Variants in RAB28 observed in about 807,000 individuals in gnomAD.
RAB28 encodes ras-related protein Rab-28.
A neutral mutation model predicts 31.7 loss-of-function variants in RAB28; 24 were observed. That is an observed-to-expected ratio of 0.76 (90% CI 0.55 to 1.06). The LOEUF is 1.06. Among genes scored for constraint, RAB28 ranks in the 50% least tolerant of loss-of-function variants. The probability of loss-of-function intolerance (pLI) is 0.00; values close to 1 mark genes in which losing one functional copy is unlikely to be tolerated. For synonymous variants in RAB28, 100 were observed against 90.4 expected (o/e 1.11, Z -0.60); for missense variants, 254 against 258.5 (o/e 0.98, Z 0.12).
At position 13,422,977 on chromosome 4, in the gene RAB28, C is replaced by T. The variant is rs188520872; in HGVS notation, c.391+37722G>A. On this transcript the variant is annotated intron_variant, in intron 4 of 6. Transcript: ENST00000330852. ...TATTTCATTTCAATGTAAATTTTACCTCAAAAAAAAAATTAAACTCTAAGT... is the reference window on the plus strand; with the variant it reads ...TATTTCATTTCAATGTAAATTTTACTTCAAAAAAAAAATTAAACTCTAAGT... Among the ~76,000 whole-genome samples the T allele has an allele frequency of 1.1e-3, 168 of 150,896 alleles. 2 individuals carry two copies. Among genetic ancestry groups the T allele is most frequent in the Middle Eastern group, 3.4e-3 (1 of 292 alleles).
chr4:13,394,665 T>C (rs1729792841), intron 4 of RAB28, among the ~76,000 whole-genome samples: 1 of 151,994 alleles, frequency 6.6e-6, no homozygotes, highest in South Asian at 2.1e-4. Flanking sequence ...GGAGTACAAT[T>C]GAGGAAAACA....
At chr4:13,397,480 T>A (rs1240953801) in intron 4 of RAB28, among the ~76,000 whole-genome samples, 1 of 152,082 alleles carries the variant, frequency 6.6e-6, no homozygotes, top group Non-Finnish European at 1.5e-5. Flanking sequence ...CAGAAGAACA[T>A]ATATAAAAGT....
intron 4 of RAB28, among the ~76,000 whole-genome samples, chr4:13,443,792 T>C (rs967771327): frequency 3.3e-5 from 5 of 152,146 alleles, no homozygotes; most frequent in Non-Finnish European, 4.4e-5. Context: ...CCAGAACTTA[T>C]TCATCCTAAG....
chr4:13,415,510 C>G (rs1712715214), intron 4 of RAB28, among the ~76,000 whole-genome samples: 1 of 152,252 alleles, frequency 6.6e-6, no homozygotes, highest in African/African-American at 2.4e-5. Context: ...GCCCTGCCGG[C>G]CCGGGCAATG....
At chr4:13,379,683 T>A (rs1224728721) in intron 5 of RAB28, among the ~76,000 whole-genome samples, 1 of 152,128 alleles carries the variant, frequency 6.6e-6, no homozygotes, top group Non-Finnish European at 1.5e-5. Flanking sequence ...GATACTGAGA[T>A]AATAGAAGAG....
At chr4:13,483,130 T>C (rs982478110) in intron 1 of RAB28, among the ~76,000 whole-genome samples, 1 of 152,140 alleles carries the variant, frequency 6.6e-6, no homozygotes, top group African/African-American at 2.4e-5. Context: ...TCTTCACTAT[T>C]TGCTGGTGGA....
chr4:13,419,820 C>A (rs1488024924), intron 4 of RAB28, among the ~76,000 whole-genome samples: 2 of 151,712 alleles, frequency 1.3e-5, no homozygotes, highest in East Asian at 3.9e-4. Flanking sequence ...AAATCAACAC[C>A]CTAACATCAC....
At chr4:13,419,972 G>GT (rs1169157399) in intron 4 of RAB28, among the ~76,000 whole-genome samples, 2 of 151,904 alleles carry the variant, frequency 1.3e-5, no homozygotes, top group East Asian at 1.9e-4. Flanking sequence ...CCAGGAGCTG[G>GT]TTTTTTCAAA....
At chr4:13,369,490 CAAAG>C (rs1728635453) in intron 6 of RAB28, among the ~76,000 whole-genome samples, 1 of 151,850 alleles carries the variant, frequency 6.6e-6, no homozygotes, top group Non-Finnish European at 1.5e-5. Context: ...CACAAGCAGA[CAAAG>C]AAGGGCAATT....
chr4:13,453,867 C>T (rs1715146148), intron 4 of RAB28, among the ~76,000 whole-genome samples: 1 of 151,978 alleles, frequency 6.6e-6, no homozygotes. Flanking sequence ...TGTTCATCTG[C>T]CTTTCAAAAT....
At chr4:13,383,801 C>T (rs1383225652) in intron 4 of RAB28, among the ~76,000 whole-genome samples, 1 of 152,196 alleles carries the variant, frequency 6.6e-6, no homozygotes, top group African/African-American at 2.4e-5. Flanking sequence ...GTAAGGCGTG[C>T]CTGTGCTCCC....
intron 3 of RAB28, among the ~76,000 whole-genome samples, chr4:13,469,619 A>G (rs1160941410): frequency 6.6e-6 from 1 of 152,032 alleles, no homozygotes; most frequent in Admixed American, 6.6e-5. Context: ...GTTTTCATCT[A>G]TTTCACTTAC....
intron 6 of RAB28, chr4:13,371,472 T>C (rs773482102): frequency 1.5e-5 from 15 of 985,328 alleles, no homozygotes; most frequent in Non-Finnish European, 1.8e-5. Flanking sequence ...CAGATTACTG[T>C]CCTGTGCTCA....
chr4:13,480,090 TTAAA>T (rs763836252), intron 1 of RAB28, among the ~76,000 whole-genome samples: 8 of 151,742 alleles, frequency 5.3e-5, no homozygotes, highest in East Asian at 1.9e-4. Flanking sequence ...TATGTACCTC[TTAAA>T]TAAACGTATT....
At chr4:13,385,715 C>A (rs1454276241) in intron 4 of RAB28, among the ~76,000 whole-genome samples, 1 of 152,152 alleles carries the variant, frequency 6.6e-6, no homozygotes, top group Non-Finnish European at 1.5e-5. Context: ...CTATCAACCA[C>A]TACAAAAACA....
chr4:13,368,760 C>A, intron 6 of RAB28, 110 bp from the exon 7 acceptor site: 3 of 795,274 alleles, frequency 3.8e-6, no homozygotes, highest in Non-Finnish European at 5.6e-6. Flanking sequence ...ATGATGGACA[C>A]CATAAATGAA....
intron 4 of RAB28, among the ~76,000 whole-genome samples, chr4:13,424,261 T>C (rs1163114182): frequency 6.6e-6 from 1 of 152,212 alleles, no homozygotes; most frequent in Non-Finnish European, 1.5e-5. Flanking sequence ...CAAATCAAGA[T>C]GTTGACAGGG....
chr4:13,402,657 C>T (rs1346589895), intron 4 of RAB28, among the ~76,000 whole-genome samples: 4 of 151,964 alleles, frequency 2.6e-5, no homozygotes, highest in African/African-American at 4.8e-5. Flanking sequence ...ATATAGTAGT[C>T]GGGTCTTGCT....
chr4:13,484,131 T>C lies in RAB28; in HGVS notation c.20A>G (p.Glu7Gly). 6.3e-7 allele frequency: 1 copy of C among 1,593,912 alleles called. No homozygotes were observed. The highest frequency in any genetic ancestry group is 1.3e-5 in the African/African-American group (1 of 74,182). MSDSEEESQDRQLKIVV... is the reference protein window; with the variant it reads MSDSEEGSQDRQLKIVV... ...GATTTTCAGTTGCCGGTCCTGGCTCTCCTCCTCAGAGTCCGACATGGTGTC... is the reference window on the plus strand; with the variant it reads ...GATTTTCAGTTGCCGGTCCTGGCTCCCCTCCTCAGAGTCCGACATGGTGTC... The change falls in exon 1 of 7, where the codon GAG becomes GGG. Residue 7 changes from glutamate to glycine, a missense_variant. Glu to Gly is a moderately conservative substitution (Grantham distance 98, BLOSUM62 -2). Transcript: ENST00000330852.
Sources: gnomAD v4.1 joint callset for allele counts (sites outside exome capture counted in the v4.1 genomes callset) on GRCh38, gnomAD v4.1.1 for gene constraint, MANE v1.5 for transcripts, NCBI Gene and HGNC (gene_info 2026-07-23, HGNC 2026-07-21) for gene names.